SYT1: variants seen among roughly 807,000 people sequenced by gnomAD.
SYT1 encodes synaptotagmin-1.
SYT1 carries 8 observed loss-of-function variants against 44.8 expected under a neutral mutation model. That is an observed-to-expected ratio of 0.18 (90% CI 0.10 to 0.32). SYT1 has a LOEUF of 0.32. Ranked by LOEUF, SYT1 falls within the 10% of genes least tolerant of loss-of-function variation. SYT1 has a pLI of 1.00. For synonymous variants in SYT1, 154 were observed against 188.8 expected (o/e 0.82, Z 1.51); for missense variants, 286 against 509.3 (o/e 0.56, Z 4.22).
At chr12:79,045,798 C>T (rs945080582) in intron 2 of SYT1, 1 of 152,268 alleles carries the variant, frequency 6.6e-6, no homozygotes, top group Non-Finnish European at 1.5e-5. Context: ...AATTCTTTCA[C>T]TGCATCCCTT....
intron 1 of SYT1, among the ~76,000 whole-genome samples, chr12:78,956,179 A>G (rs1879206203): frequency 6.6e-6 from 1 of 152,084 alleles, no homozygotes; most frequent in Non-Finnish European, 1.5e-5. Context: ...ACATTGACAG[A>G]ATGACTGGTA....
chr12:79,425,257 T>A (rs1007501304), intron 9 of SYT1, among the ~76,000 whole-genome samples: 2 of 152,148 alleles, frequency 1.3e-5, no homozygotes, highest in African/African-American at 4.8e-5. Context: ...TTATTTCATA[T>A]CATCTAGCAA....
At chr12:78,945,365 G>A (rs185177374) in intron 1 of SYT1, among the ~76,000 whole-genome samples, 1 of 150,620 alleles carries the variant, frequency 6.6e-6, no homozygotes, top group Non-Finnish European at 1.5e-5. Flanking sequence ...ATAAAGCTAT[G>A]CACACATATA....
chr12:79,284,837 CAAAA>C (rs36090267), intron 4 of SYT1, among the ~76,000 whole-genome samples: 2 of 117,860 alleles, frequency 1.7e-5, no homozygotes, highest in Admixed American at 9.2e-5. Context: ...GACTCCATCT[CAAAA>C]AAAAAAAAAA....
At chr12:78,984,679 A>G (rs1054988071) in intron 2 of SYT1, among the ~76,000 whole-genome samples, 1 of 152,150 alleles carries the variant, frequency 6.6e-6, no homozygotes, top group Admixed American at 6.6e-5. Flanking sequence ...AGAAACACAC[A>G]TAAAGATGAA....
intron 3 of SYT1, among the ~76,000 whole-genome samples, chr12:79,156,714 G>A (rs1348048016): frequency 2.0e-5 from 3 of 152,064 alleles, no homozygotes; most frequent in African/African-American, 4.8e-5. Context: ...TGATCTGCCC[G>A]CCTCAGCCTC....
At chr12:79,165,365 C>CT (rs1402728357) in intron 3 of SYT1, among the ~76,000 whole-genome samples, 1 of 151,720 alleles carries the variant, frequency 6.6e-6, no homozygotes, top group Non-Finnish European at 1.5e-5. Context: ...CAAATAAAAG[C>CT]TTTTTTCTGG....
At chr12:79,408,237 G>A (rs868812008) in intron 9 of SYT1, among the ~76,000 whole-genome samples, 1 of 152,040 alleles carries the variant, frequency 6.6e-6, no homozygotes, top group Non-Finnish European at 1.5e-5. Flanking sequence ...CCAAAGCCAA[G>A]GTGGCTAAAT....
intron 1 of SYT1, among the ~76,000 whole-genome samples, chr12:78,900,664 T>G (rs967613842): frequency 6.6e-6 from 1 of 151,986 alleles, no homozygotes; most frequent in African/African-American, 2.4e-5. Flanking sequence ...CTAGAGCACA[T>G]GCAAAGTACA....
At chr12:79,079,225 A>G (rs544616165) in intron 3 of SYT1, among the ~76,000 whole-genome samples, 1 of 152,188 alleles carries the variant, frequency 6.6e-6, no homozygotes, top group Admixed American at 6.5e-5. Flanking sequence ...AACGATTTCA[A>G]CTGACTTTCA....
chr12:79,448,790 TTCATCCTCATCCTAGTGCTTGG>T, intron 10 of SYT1, 106 bp from the exon 11 acceptor site: 1 of 807,674 alleles, frequency 1.2e-6, no homozygotes, highest in South Asian at 1.8e-5. Context: ...TCAAGTCATT[TTCATCCTCATCCTAGTGCTTGG>T]AGATTGATTC....
chr12:79,024,249 A>AGGC (rs1872380742), intron 2 of SYT1, among the ~76,000 whole-genome samples: 1 of 151,752 alleles, frequency 6.6e-6, no homozygotes, highest in African/African-American at 2.4e-5. Context: ...GGATTGAGAG[A>AGGC]GGCGTGTGGC....
At chr12:79,054,833 G>C (rs1476067574) in intron 3 of SYT1, among the ~76,000 whole-genome samples, 4 of 151,848 alleles carry the variant, frequency 2.6e-5, no homozygotes, top group Non-Finnish European at 5.9e-5. Context: ...GTTTAACCAT[G>C]ATCAGATTAA....
chr12:79,023,248 G>A (rs550190227), intron 2 of SYT1, among the ~76,000 whole-genome samples: 2 of 151,928 alleles, frequency 1.3e-5, no homozygotes, highest in South Asian at 4.1e-4. Flanking sequence ...GAAAAGCCAG[G>A]TTTTTGGAAA....
intron 3 of SYT1, among the ~76,000 whole-genome samples, chr12:79,168,954 T>C (rs775689012): frequency 4.1e-4 from 63 of 152,018 alleles, no homozygotes; most frequent in Non-Finnish European, 7.4e-4. Flanking sequence ...TCTGGAACAC[T>C]TGAGCAGCAA....
chr12:79,040,791 A>G (rs1873499024), intron 2 of SYT1, among the ~76,000 whole-genome samples: 3 of 151,794 alleles, frequency 2.0e-5, no homozygotes, highest in Admixed American at 1.3e-4. Flanking sequence ...ATCTTGAATT[A>G]ATTTTTGTAT....
chr12:79,016,944 A>G (rs779169195), intron 2 of SYT1, among the ~76,000 whole-genome samples: 3 of 152,154 alleles, frequency 2.0e-5, no homozygotes, highest in Non-Finnish European at 4.4e-5. Context: ...TTTAAGAGGC[A>G]AAGCATTGGT....
chr12:78,915,966 G>A (rs10861155), intron 1 of SYT1, among the ~76,000 whole-genome samples: 107,337 of 151,832 alleles, frequency 0.71, 38,585 homozygotes, highest in African/African-American at 0.81. Context: ...TAAAATACCA[G>A]TATTTAATTA....
intron 1 of SYT1, among the ~76,000 whole-genome samples, chr12:78,952,837 A>G (rs375434741): frequency 1.4e-4 from 22 of 152,250 alleles, no homozygotes; most frequent in South Asian, 1.2e-3. Context: ...GACTGCATAG[A>G]TTTATTGAAA....
Sources: allele counts gnomAD v4.1 joint callset (sites outside exome capture counted in the v4.1 genomes callset), GRCh38; gene constraint gnomAD v4.1.1; transcripts MANE v1.5; gene names NCBI Gene and HGNC (gene_info 2026-07-23, HGNC 2026-07-21).